The following CCKBR variants were observed in gnomAD, a reference collection of about 807,000 sequenced individuals.
The protein encoded by CCKBR is cholecystokinin B receptor, also known as gastrin/cholecystokinin type B receptor.
CCKBR carries 33 observed loss-of-function variants against 34.6 expected under a neutral mutation model. That is an observed-to-expected ratio of 0.95 (90% CI 0.72 to 1.27). CCKBR has a LOEUF of 1.27. Among genes scored for constraint, CCKBR ranks in the 50% most tolerant of loss-of-function variants. The pLI is 0.00. For synonymous variants in CCKBR, 269 were observed against 267.5 expected (o/e 1.01, Z -0.06); for missense variants, 652 against 617.4 (o/e 1.06, Z -0.59).
intron 3 of CCKBR, 91 bp from the exon 4 acceptor site, chr11:6,270,555 C>A: frequency 6.9e-7 from 1 of 1,457,430 alleles, no homozygotes; most frequent in South Asian, 1.3e-5. Context: ...GGTACCTGGC[C>A]ACAGCCCTAG....
intron 1 of CCKBR, 110 bp downstream of exon 1, chr11:6,260,189 G>C (rs1848109432): frequency 6.8e-6 from 5 of 734,388 alleles, no homozygotes; most frequent in Non-Finnish European, 6.4e-6. Context: ...TCCACACCGT[G>C]CCTCTCATAG....
chr11:6,270,362 A>G, intron 3 of CCKBR, 25 bp downstream of exon 3: 4 of 1,598,248 alleles, frequency 2.5e-6, no homozygotes, highest in Non-Finnish European at 3.4e-6. Flanking sequence ...AAACTATCCT[A>G]GGAATTCCTT....
chr11:6,271,464 A>C lies in CCKBR; in HGVS notation c.1265A>C (p.Asp422Ala), dbSNP rs144569397. 9 of 1,613,032 alleles carry C rather than the reference A, an allele frequency of 5.6e-6. No homozygotes were observed. Among genetic ancestry groups the C allele is most frequent in the Non-Finnish European group, 7.6e-6 (9 of 1,179,990 alleles). Reference sequence around the variant, plus strand: ...CGAGCTCGCCCCAGGGCTCTTCCCGATGAGGACCCTCCCACTCCCTCCATT... The same window carrying C: ...CGAGCTCGCCCCAGGGCTCTTCCCGCTGAGGACCCTCCCACTCCCTCCATT... Reference protein sequence around the residue: ...PPRARPRALPDEDPPTPSIAS... With the variant: ...PPRARPRALPAEDPPTPSIAS... The change falls in exon 5 of 5, where the codon GAT becomes GCT. Residue 422 changes from aspartate to alanine, a missense_variant. Physicochemically the swap from Asp to Ala is moderately radical, Grantham distance 126. Coordinates refer to ENST00000334619, the MANE Select transcript of CCKBR (RefSeq NM_176875.4).
At chr11:6,269,612 G>A in intron 1 of CCKBR, 57 bp from the exon 2 acceptor site, 1 of 1,587,854 alleles carries the variant, frequency 6.3e-7, no homozygotes, top group Non-Finnish European at 8.6e-7. Context: ...GGAAGGAGGG[G>A]GATTTGACTG....
intron 1 of CCKBR, 61 bp from the exon 2 acceptor site, chr11:6,269,608 A>G: frequency 6.3e-7 from 1 of 1,579,744 alleles, no homozygotes; most frequent in Non-Finnish European, 8.6e-7. Context: ...AGACGGAAGG[A>G]GGGGGATTTG....
Position 6,270,231 on chromosome 11 carries a change from G to C in CCKBR, c.547G>C (p.Gly183Arg), listed in dbSNP as rs1818940140. 1.2e-6 allele frequency: 2 copies of C among 1,612,992 alleles called. No homozygotes were observed. The highest frequency in any genetic ancestry group is 1.3e-5 in the African/African-American group (1 of 74,944). The change falls in exon 3 of 5, where the codon GGA becomes CGA. Residue 183 changes from glycine to arginine, a missense_variant. By Grantham distance (125) the Gly-to-Arg change is moderately radical. Coordinates refer to ENST00000334619, the MANE Select transcript of CCKBR (RefSeq NM_176875.4). ...RVIVATWLLS[G>R]LLMVPYPVYT... The stretch of plus-strand genomic sequence containing the variant: ...GATTGTAGCCACGTGGCTGCTGTCC[G>C]GACTACTCATGGTGCCCTACCCCGT...
chr11:6,271,778 C>A lies in CCKBR; in HGVS notation c.*235C>A. The A allele has an allele frequency of 1.9e-6, 1 of 514,682 alleles. No individual in the cohort carries two copies. Among genetic ancestry groups the A allele is most frequent in the East Asian group, 3.1e-5 (1 of 32,588 alleles). 31.9% of individuals were successfully genotyped at this position (514,682 alleles called of 1,614,324 possible). A position where few individuals can be genotyped will look rare whatever the true frequency, so the allele number is the denominator to read the frequency against. On this transcript the variant is annotated 3_prime_UTR_variant, in exon 5 of 5. Coordinates refer to ENST00000334619, the MANE Select transcript of CCKBR (RefSeq NM_176875.4). ...GAGCCTGGCCCATAGAAACATGACACTGACCTTGGAGAGACACAGCGTCCC... is the reference window on the plus strand; with the variant it reads ...GAGCCTGGCCCATAGAAACATGACAATGACCTTGGAGAGACACAGCGTCCC...
At position 6,260,049 on chromosome 11, in the gene CCKBR, C is replaced by T. The variant is rs772860565; in HGVS notation, c.121C>T (p.Pro41Ser). 9 of 1,595,308 alleles carry T rather than the reference C, an allele frequency of 5.6e-6. 1 individual carries two copies. Among genetic ancestry groups the T allele is most frequent in the African/African-American group, 1.4e-5 (1 of 73,286 alleles). ...SSSVGNLSCEPPRIRGAGTRE... is the reference protein window; with the variant it reads ...SSSVGNLSCESPRIRGAGTRE... ...CAGTGTGGGCAACCTCAGCTGCGAGCCCCCTCGCATTCGCGGAGCCGGGAC... is the reference window on the plus strand; with the variant it reads ...CAGTGTGGGCAACCTCAGCTGCGAGTCCCCTCGCATTCGCGGAGCCGGGAC... Residue 41 changes from proline to serine, a missense_variant, in exon 1 of 5, where the codon CCC becomes TCC. Physicochemically the swap from Pro to Ser is moderately conservative, Grantham distance 74. Coordinates refer to ENST00000334619, the MANE Select transcript of CCKBR (RefSeq NM_176875.4).
At chr11:6,269,075 G>C (rs1339775871) in intron 1 of CCKBR, among the ~76,000 whole-genome samples, 1 of 151,058 alleles carries the variant, frequency 6.6e-6, no homozygotes, top group Non-Finnish European at 1.5e-5. Flanking sequence ...GAGGGGGTGG[G>C]AGAGAAAGAA....
intron 1 of CCKBR, among the ~76,000 whole-genome samples, chr11:6,260,942 C>A (rs867415407): frequency 1.5e-4 from 23 of 152,246 alleles, no homozygotes; most frequent in Middle Eastern, 3.4e-3. Context: ...GAGGCTAGAA[C>A]CTTAGAGCTG....
chr11:6,270,042 G>A (rs1369178768), intron 2 of CCKBR, 46 bp from the exon 3 acceptor site: 2 of 1,587,062 alleles, frequency 1.3e-6, no homozygotes, highest in African/African-American at 2.7e-5. Context: ...TGCTTGTGTA[G>A]TGCAAGTTTC....
Position 6,269,767 on chromosome 11 carries a change from C to A in CCKBR, c.250C>A (p.Arg84Ser), listed in dbSNP as rs148924129. ...LIIVVLGLSR[R>S]LRTVTNAFLL... ...CATCGTGGTCCTGGGACTGAGCCGC[C>A]GCCTGAGGACTGTCACCAATGCCTT... The change falls in exon 2 of 5, where the codon CGC becomes AGC. Residue 84 changes from arginine (R) to serine (S), a missense_variant. By Grantham distance (110) the Arg-to-Ser change is moderately radical (BLOSUM62 -1). Coordinates refer to ENST00000334619, the MANE Select transcript of CCKBR (RefSeq NM_176875.4). The A allele has an allele frequency of 6.2e-7, 1 of 1,614,144 alleles. No homozygotes were observed. Among genetic ancestry groups the A allele is most frequent in the East Asian group, 2.2e-5 (1 of 44,884 alleles).
Position 6,271,163 on chromosome 11 carries a change from C to G in CCKBR, c.964C>G (p.Gln322Glu). ...GCCGGGATCCGGCTCCCGGCCCACC[C>G]AGGCCAAGCTGCTGGCTAAGAAGCG... ...PGPGSGSRPT[Q>E]AKLLAKKRVV... The change falls in exon 5 of 5, where the codon CAG (glutamine) becomes GAG (glutamate). Residue 322 changes from glutamine (Q) to glutamate (E), a missense_variant. By Grantham distance (29) the Gln-to-Glu change is conservative (BLOSUM62 2). Coordinates refer to ENST00000334619, the MANE Select transcript of CCKBR (RefSeq NM_176875.4). 1 of 1,614,192 alleles carries G rather than the reference C, an allele frequency of 6.2e-7. No homozygotes were observed. The highest frequency in any genetic ancestry group is 2.2e-5 in the East Asian group (1 of 44,880).
chr11:6,271,007 T>G lies in CCKBR; in HGVS notation c.812-4T>G. On this transcript the variant is annotated splice_region_variant and splice_polypyrimidine_tract_variant and intron_variant, in intron 4 of 4. Coordinates refer to ENST00000334619, the MANE Select transcript of CCKBR (RefSeq NM_176875.4). ...TTCTCTGACCGCCCACCCTTTGTGC[T>G]CAGGGGCTGTTCACCAGAACGGGCG... is the stretch of plus-strand genomic sequence containing the variant. 1 of 1,614,118 alleles carries G rather than the reference T, an allele frequency of 6.2e-7. No homozygotes were observed. The highest frequency in any genetic ancestry group is 8.5e-7 in the Non-Finnish European group (1 of 1,179,996).
chr11:6,260,206 C>T lies in CCKBR; in HGVS notation c.151+127C>T, dbSNP rs751355620. 467 of 636,546 alleles carry T rather than the reference C, an allele frequency of 7.3e-4. 1 individual carries two copies. Among genetic ancestry groups the T allele is most frequent in the Non-Finnish European group, 1.1e-3 (404 of 381,332 alleles). 39.4% of individuals were successfully genotyped at this position (636,546 alleles called of 1,614,324 possible). On this transcript the variant is annotated intron_variant, in intron 1 of 4. Transcript: ENST00000334619. ...CACACCGTGCCTCTCATAGTACTCC[C>T]TCAGCCCCCAAACAGCTCCCCTCAC...
Position 6,269,958 on chromosome 11 carries a change from TC to T in CCKBR, c.403+42del, listed in dbSNP as rs1848268558. 5 of 1,610,950 alleles carry T rather than the reference TC, an allele frequency of 3.1e-6. No homozygotes were observed. In the East Asian group the frequency reaches 1.1e-4, roughly 36 times the overall value. ...ACCACCCCACCCCCACTTGCCACTC[TC>T]CCCGCCTAAAGCTCTTGTGGATGTA... On this transcript the variant is annotated intron_variant, in intron 2 of 4. Coordinates refer to ENST00000334619, the MANE Select transcript of CCKBR (RefSeq NM_176875.4).
chr11:6,264,581 A>C, intron 1 of CCKBR: 1 of 700,976 alleles, frequency 1.4e-6, no homozygotes, highest in Non-Finnish European at 2.6e-6. Context: ...GAAGATGATG[A>C]GATGATGCTC....
In CCKBR at chr11:6,270,174, G is replaced by A. The variant is rs200320502; in HGVS notation, c.490G>A (p.Val164Met). The change falls in exon 3 of 5, where the codon GTG becomes ATG. Residue 164 changes from valine to methionine, a missense_variant. Transcript: ENST00000334619. ...SAICRPLQAR[V>M]WQTRSHAARV... ...CATCTGCCGACCACTGCAGGCACGA[G>A]TGTGGCAGACGCGCTCCCACGCGGC... 6 of 1,613,934 alleles carry A rather than the reference G, an allele frequency of 3.7e-6. No homozygotes were observed. The highest frequency in any genetic ancestry group is 5.1e-6 in the Non-Finnish European group (6 of 1,180,020).
intron 3 of CCKBR, 48 bp downstream of exon 3, chr11:6,270,385 T>G: frequency 6.3e-7 from 1 of 1,580,254 alleles, no homozygotes; most frequent in Non-Finnish European, 8.6e-7. Flanking sequence ...TCACCCCTAT[T>G]AGATGCTTAC....
Sources: gnomAD v4.1 joint callset for allele counts (sites outside exome capture counted in the v4.1 genomes callset) on GRCh38, gnomAD v4.1.1 for gene constraint, MANE v1.5 for transcripts, NCBI Gene and HGNC (gene_info 2026-07-23, HGNC 2026-07-21) for gene names.